Variants in PDGFC observed in about 807,000 individuals in gnomAD.
PDGFC encodes platelet derived growth factor C.
Under a neutral mutation model 35.5 loss-of-function variants are expected in PDGFC, and 12 were observed. That is an observed-to-expected ratio of 0.34 (90% CI 0.22 to 0.55). The LOEUF (loss-of-function observed/expected upper bound fraction) is 0.55. Ranked by LOEUF, PDGFC falls within the 20% of genes least tolerant of loss-of-function variation. The probability of loss-of-function intolerance (pLI) is 0.91; values close to 1 mark genes in which losing one functional copy is unlikely to be tolerated. For synonymous variants in PDGFC, 159 were observed against 148.8 expected, an observed-to-expected ratio of 1.07 and a Z score of -0.50; for missense variants, 322 against 412.4, an observed-to-expected ratio of 0.78 and a Z score of 1.90.
At chr4:156,826,477 C>T (rs1728755605) in intron 2 of PDGFC, among the ~76,000 whole-genome samples, 1 of 151,888 alleles carries the variant, frequency 6.6e-6, no homozygotes, top group Non-Finnish European at 1.5e-5. Context: ...TGTTGGGGTA[C>T]AGGAATGAGC....
intron 1 of PDGFC, among the ~76,000 whole-genome samples, chr4:156,910,623 C>T (rs1378189355): frequency 6.6e-6 from 1 of 152,108 alleles, no homozygotes; most frequent in Non-Finnish European, 1.5e-5. Flanking sequence ...TGCCAACTTA[C>T]TTCTTGAGAC....
At chr4:156,962,335 G>A (rs747744780) in intron 1 of PDGFC, among the ~76,000 whole-genome samples, 10 of 151,788 alleles carry the variant, frequency 6.6e-5, no homozygotes, top group African/African-American at 1.5e-4. Flanking sequence ...TCTCAGACCC[G>A]CTTCAAAACA....
chr4:156,946,246 C>A (rs984075323), intron 1 of PDGFC, among the ~76,000 whole-genome samples: 4 of 151,928 alleles, frequency 2.6e-5, no homozygotes, highest in African/African-American at 9.7e-5. Flanking sequence ...TGAAATATTT[C>A]TTTATCTACC....
intron 1 of PDGFC, among the ~76,000 whole-genome samples, chr4:156,869,092 A>G (rs1259491524): frequency 6.6e-6 from 1 of 152,082 alleles, no homozygotes; most frequent in Admixed American, 6.6e-5. Flanking sequence ...TTTTTACTTG[A>G]ACTTCTGTTG....
At position 156,822,993 on chromosome 4, in the gene PDGFC, C is replaced by G. The variant is rs189034889; in HGVS notation, c.315-11976G>C. On this transcript the variant is annotated intron_variant, in intron 2 of 5. Transcript: ENST00000502773. ...AGGTGATCTGCCCACCTCAGCCTCC[C>G]AAAGTGCTGAGGTTACAGGCTTGAG... is the stretch of plus-strand genomic sequence containing the variant. Among the ~76,000 whole-genome samples the G allele has an allele frequency of 1.6e-3, 251 of 152,186 alleles. 1 individual carries two copies. The highest frequency in any genetic ancestry group is 5.6e-3 in the African/African-American group (231 of 41,522).
chr4:156,793,173 A>T (rs1374365609), intron 3 of PDGFC, among the ~76,000 whole-genome samples: 1 of 152,140 alleles, frequency 6.6e-6, no homozygotes, highest in Non-Finnish European at 1.5e-5. Flanking sequence ...TCTTAAAAGG[A>T]GTCAAATGTT....
chr4:156,932,346 T>C (rs187211813), intron 1 of PDGFC, among the ~76,000 whole-genome samples: 284 of 152,232 alleles, frequency 1.9e-3, no homozygotes, highest in African/African-American at 6.5e-3. Context: ...TTCCTACCCG[T>C]GAGCATGGAG....
chr4:156,855,661 T>C (rs1729557491), intron 1 of PDGFC, among the ~76,000 whole-genome samples: 1 of 152,202 alleles, frequency 6.6e-6, no homozygotes, highest in Non-Finnish European at 1.5e-5. Context: ...AAATTGATAA[T>C]ACACACATTC....
intron 3 of PDGFC, among the ~76,000 whole-genome samples, chr4:156,789,520 G>A (rs6828379): frequency 1.3e-5 from 2 of 152,060 alleles, no homozygotes; most frequent in African/African-American, 2.4e-5. Context: ...AGATCTGCAC[G>A]TGTGCACACA....
At chr4:156,811,697 A>C (rs2110946783) in intron 2 of PDGFC, among the ~76,000 whole-genome samples, 1 of 152,260 alleles carries the variant, frequency 6.6e-6, no homozygotes, top group African/African-American at 2.4e-5. Flanking sequence ...TATACACAGT[A>C]TCTTAAACAG....
intron 1 of PDGFC, among the ~76,000 whole-genome samples, chr4:156,934,356 C>CA (rs1220160303): frequency 6.6e-6 from 1 of 151,960 alleles, no homozygotes; most frequent in African/African-American, 2.4e-5. Context: ...AAAGGTACAG[C>CA]AAAAATACAA....
intron 1 of PDGFC, among the ~76,000 whole-genome samples, chr4:156,896,535 C>T (rs1205514294): frequency 6.6e-6 from 1 of 152,106 alleles, no homozygotes; most frequent in African/African-American, 2.4e-5. Context: ...TTTCAACATA[C>T]CCAGAACACC....
chr4:156,800,276 CA>C (rs941815166), intron 3 of PDGFC, among the ~76,000 whole-genome samples: 2 of 152,008 alleles, frequency 1.3e-5, no homozygotes, highest in Non-Finnish European at 2.9e-5. Flanking sequence ...ATTTTCTTTC[CA>C]AAAGCTTAAA....
chr4:156,862,393 A>G (rs979293345), intron 1 of PDGFC, among the ~76,000 whole-genome samples: 2 of 152,192 alleles, frequency 1.3e-5, no homozygotes, highest in East Asian at 3.9e-4. Flanking sequence ...GAAGATGATA[A>G]AGAGAATAAA....
intron 1 of PDGFC, among the ~76,000 whole-genome samples, chr4:156,880,803 G>A (rs1258488291): frequency 6.6e-6 from 1 of 152,170 alleles, no homozygotes; most frequent in African/African-American, 2.4e-5. Context: ...GAAGACGTAA[G>A]TGAATTGCTG....
intron 1 of PDGFC, among the ~76,000 whole-genome samples, chr4:156,937,273 C>T (rs921835548): frequency 8.5e-5 from 13 of 152,098 alleles, no homozygotes; most frequent in South Asian, 2.1e-4. Flanking sequence ...ATAATTTGAA[C>T]GCATAAAATT....
At chr4:156,838,192 C>T (rs536333079) in intron 2 of PDGFC, among the ~76,000 whole-genome samples, 5 of 152,298 alleles carry the variant, frequency 3.3e-5, no homozygotes, top group African/African-American at 1.2e-4. Flanking sequence ...CTGTCCTAAG[C>T]ACCAATAGCA....
chr4:156,785,803 T>G (rs1289483730), intron 3 of PDGFC, among the ~76,000 whole-genome samples: 1 of 152,178 alleles, frequency 6.6e-6, no homozygotes, highest in Non-Finnish European at 1.5e-5. Context: ...GCTAGAATAC[T>G]CAGGAGGTGC....
intron 1 of PDGFC, among the ~76,000 whole-genome samples, chr4:156,902,901 G>A (rs567577592): frequency 9.7e-4 from 147 of 151,644 alleles, no homozygotes; most frequent in African/African-American, 3.3e-3. Flanking sequence ...TCAACTATGC[G>A]GAGCAAAAAA....
Sources: gnomAD v4.1 joint callset for allele counts (sites outside exome capture counted in the v4.1 genomes callset) on GRCh38, gnomAD v4.1.1 for gene constraint, MANE v1.5 for transcripts, NCBI Gene and HGNC (gene_info 2026-07-23, HGNC 2026-07-21) for gene names.